IMPG1: variants seen among roughly 807,000 people sequenced by gnomAD.
The protein encoded by IMPG1 is interphotoreceptor matrix proteoglycan 1.
A neutral mutation model predicts 92.0 loss-of-function variants in IMPG1; 85 were observed. That is an observed-to-expected ratio of 0.92 (90% CI 0.78 to 1.11). The LOEUF (loss-of-function observed/expected upper bound fraction) is 1.11. IMPG1 is among the 50% of genes least tolerant of loss of function. The pLI is 0.00. For missense variants in IMPG1, 1,022 were observed against 956.0 expected (o/e 1.07, Z -0.91); for synonymous variants, 367 against 334.1 (o/e 1.10, Z -1.08).
chr6:76,002,853 A>C, intron 12 of IMPG1, 65 bp downstream of exon 12: 7 of 1,247,692 alleles, frequency 5.6e-6, no homozygotes, highest in Non-Finnish European at 8.2e-6. Flanking sequence ...TTGAGGCAGT[A>C]TCATAATGGG....
chr6:76,026,976 TG>T (rs1442650185), intron 4 of IMPG1, among the ~76,000 whole-genome samples: 2 of 152,224 alleles, frequency 1.3e-5, no homozygotes, highest in East Asian at 3.9e-4. Flanking sequence ...CCCCATTCAG[TG>T]ACTAGGTTTT....
chr6:76,013,853 C>A (rs1324782740), intron 7 of IMPG1, among the ~76,000 whole-genome samples: 1 of 152,148 alleles, frequency 6.6e-6, no homozygotes, highest in Non-Finnish European at 1.5e-5. Context: ...ACAGATAATC[C>A]CCAAATCACT....
intron 15 of IMPG1, among the ~76,000 whole-genome samples, chr6:75,926,218 G>A (rs1490281963): frequency 6.6e-6 from 1 of 152,202 alleles, no homozygotes; most frequent in African/African-American, 2.4e-5. Flanking sequence ...CAAGCGAACT[G>A]AGTTGTCTAA....
chr6:75,934,925 G>A (rs1371810370), intron 14 of IMPG1: 5 of 470,886 alleles, frequency 1.1e-5, no homozygotes, highest in Non-Finnish European at 2.2e-5. Flanking sequence ...TTACTCACGT[G>A]TTGGACAGAA....
intron 1 of IMPG1, among the ~76,000 whole-genome samples, chr6:76,063,513 T>A (rs1784245529): frequency 6.6e-6 from 1 of 152,204 alleles, no homozygotes; most frequent in Non-Finnish European, 1.5e-5. Context: ...TCCTCTGTCC[T>A]CATGAACCCA....
At chr6:75,922,645 A>G (rs2149446664) in intron 16 of IMPG1, among the ~76,000 whole-genome samples, 1 of 152,296 alleles carries the variant, frequency 6.6e-6, no homozygotes, top group Admixed American at 6.5e-5. Flanking sequence ...TTGAAATGTG[A>G]TCCATAATTC....
At chr6:76,068,210 A>G (rs1044992587) in intron 1 of IMPG1, among the ~76,000 whole-genome samples, 2 of 151,612 alleles carry the variant, frequency 1.3e-5, no homozygotes, top group Admixed American at 6.6e-5. Context: ...AAAGAAAGAA[A>G]TAAAGTATTC....
chr6:76,039,153 A>G (rs1199306702), intron 2 of IMPG1, among the ~76,000 whole-genome samples: 2 of 152,160 alleles, frequency 1.3e-5, no homozygotes, highest in East Asian at 3.9e-4. Context: ...TTAAAGTACA[A>G]ATGAATTTTA....
At chr6:75,951,255 C>A (rs1782026537) in intron 12 of IMPG1, among the ~76,000 whole-genome samples, 161 bp from the exon 13 acceptor site, 1 of 150,370 alleles carries the variant, frequency 6.7e-6, no homozygotes. Flanking sequence ...GAAATTGGAA[C>A]AGAAAGGGCA....
At chr6:76,034,514 C>G (rs140043304) in intron 3 of IMPG1, 107 bp downstream of exon 3, 2 of 1,310,746 alleles carry the variant, frequency 1.5e-6, no homozygotes, top group African/African-American at 2.9e-5. Flanking sequence ...CCAAGCACTT[C>G]TTCAATTAAC....
At chr6:75,939,835 C>T (rs1201866245) in intron 14 of IMPG1, among the ~76,000 whole-genome samples, 2 of 152,146 alleles carry the variant, frequency 1.3e-5, no homozygotes, top group East Asian at 1.9e-4. Flanking sequence ...CATTGGAGGG[C>T]GCCTTGCTCT....
At chr6:75,933,808 G>A (rs1025182174) in intron 14 of IMPG1, among the ~76,000 whole-genome samples, 4 of 152,214 alleles carry the variant, frequency 2.6e-5, no homozygotes, top group African/African-American at 9.7e-5. Context: ...ACTTATCAAA[G>A]GCCATTATGT....
intron 5 of IMPG1, chr6:76,024,812 C>T: frequency 3.2e-6 from 1 of 312,948 alleles, no homozygotes; most frequent in Non-Finnish European, 6.2e-6. Context: ...AAAATGATAA[C>T]TTTGAAGAAA....
At position 76,022,112 on chromosome 6, in the gene IMPG1, T is replaced by A. The variant is rs1320535255; in HGVS notation, c.666+4A>T. ...GAGCTAGATCAACTCTAGGAACTTCTTACTGTTGTAGGCATCTTGGTGTCG... is the reference window on the plus strand; with the variant it reads ...GAGCTAGATCAACTCTAGGAACTTCATACTGTTGTAGGCATCTTGGTGTCG... On this transcript the variant is annotated splice_donor_region_variant and intron_variant, in intron 6 of 16. Coordinates refer to ENST00000369950, the MANE Select transcript of IMPG1 (RefSeq NM_001563.4). 1 of 1,525,438 alleles carries A rather than the reference T, an allele frequency of 6.6e-7. No homozygotes were observed. Among genetic ancestry groups the A allele is most frequent in the Non-Finnish European group, 9.0e-7 (1 of 1,105,810 alleles). The allele number at this position is 1,525,438 out of a possible 1,614,324, so 94.5% of individuals were successfully genotyped here.
At chr6:76,019,904 G>C (rs1016867717) in intron 6 of IMPG1, among the ~76,000 whole-genome samples, 2 of 152,090 alleles carry the variant, frequency 1.3e-5, no homozygotes, top group Admixed American at 1.3e-4. Context: ...TGGGACAGAG[G>C]GGTTGTGAGA....
intron 1 of IMPG1, among the ~76,000 whole-genome samples, chr6:76,071,473 A>C (rs1322743098): frequency 6.6e-6 from 1 of 151,776 alleles, no homozygotes; most frequent in Non-Finnish European, 1.5e-5. Context: ...CTATTGTGAA[A>C]ACATGAAGAA....
At chr6:75,958,690 C>T (rs1022962430) in intron 12 of IMPG1, among the ~76,000 whole-genome samples, 6 of 152,066 alleles carry the variant, frequency 3.9e-5, no homozygotes, top group Non-Finnish European at 7.3e-5. Context: ...GTGTATGCCT[C>T]ACGAAGTTCT....
intron 12 of IMPG1, among the ~76,000 whole-genome samples, chr6:75,987,865 T>A (rs944276450): frequency 2.0e-5 from 3 of 152,126 alleles, no homozygotes; most frequent in Non-Finnish European, 4.4e-5. Context: ...GCCAGGATGG[T>A]TTCGATCTCC....
intron 16 of IMPG1, 103 bp downstream of exon 16, chr6:75,923,531 A>G (rs1168180402): frequency 4.4e-6 from 3 of 675,260 alleles, no homozygotes; most frequent in Non-Finnish European, 2.6e-6. Flanking sequence ...AATAAAAAGT[A>G]TCTTGCTTAT....
Sources: allele counts gnomAD v4.1 joint callset (sites outside exome capture counted in the v4.1 genomes callset), GRCh38; gene constraint gnomAD v4.1.1; transcripts MANE v1.5; gene names NCBI Gene and HGNC (gene_info 2026-07-23, HGNC 2026-07-21).